SVIL: variants seen among roughly 807,000 people sequenced by gnomAD.
SVIL encodes the protein archvillin.
In SVIL, 101 loss-of-function variants were observed where a neutral mutation model predicts 240.4. The observed-to-expected ratio is 0.42, with a 90% CI of 0.36 to 0.50. The LOEUF (loss-of-function observed/expected upper bound fraction) is 0.50. Among genes scored for constraint, SVIL ranks in the 20% least tolerant of loss-of-function variants. The pLI is 0.01. For missense variants in SVIL, 2,512 were observed against 2,818.7 expected, an observed-to-expected ratio of 0.89 and a Z score of 2.46; for synonymous variants, 999 against 1,100.0, an observed-to-expected ratio of 0.91 and a Z score of 1.82.
chr10:29,671,656 T>C (rs1959784379), intron 2 of SVIL, among the ~76,000 whole-genome samples: 1 of 152,260 alleles, frequency 6.6e-6, no homozygotes, highest in South Asian at 2.1e-4. Context: ...TGAGGCTGTA[T>C]ACTCTAGGCT....
intron 1 of SVIL, among the ~76,000 whole-genome samples, chr10:29,596,306 A>T (rs567875222): frequency 1.2e-3 from 176 of 152,286 alleles, no homozygotes; most frequent in African/African-American, 4.1e-3. Flanking sequence ...CCCCGTCTCT[A>T]TAAAGACTAA....
chr10:29,550,490 C>A, intron 6 of SVIL, 107 bp downstream of exon 6: 1 of 1,240,432 alleles, frequency 8.1e-7, no homozygotes, highest in Non-Finnish European at 1.1e-6. Flanking sequence ...CTCCAATAAG[C>A]CTTGACTTCC....
chr10:29,674,196 G>A (rs925904602), intron 2 of SVIL, among the ~76,000 whole-genome samples: 2 of 152,040 alleles, frequency 1.3e-5, no homozygotes, highest in Admixed American at 6.6e-5. Flanking sequence ...TTAGCCAGAC[G>A]TGGTGGTGTG....
chr10:29,611,037 A>G (rs1322646925), intron 1 of SVIL, among the ~76,000 whole-genome samples: 1 of 152,094 alleles, frequency 6.6e-6, no homozygotes, highest in East Asian at 1.9e-4. Flanking sequence ...CTCTTTCCAC[A>G]TGAATCACCT....
At chr10:29,494,763 G>T (rs754865) in intron 20 of SVIL, 151 bp downstream of exon 20, 1 of 710,352 alleles carries the variant, frequency 1.4e-6, no homozygotes, top group East Asian at 2.6e-5. Context: ...ATTATTGGGA[G>T]TCCCCAATTT....
intron 32 of SVIL, among the ~76,000 whole-genome samples, chr10:29,469,371 T>C (rs561396204): frequency 1.3e-5 from 2 of 152,202 alleles, no homozygotes; most frequent in South Asian, 2.1e-4. Context: ...ACAGGGGCCC[T>C]GGCCACTGCT....
chr10:29,529,169 C>T (rs781303265), intron 12 of SVIL, among the ~76,000 whole-genome samples: 64 of 96,852 alleles, frequency 6.6e-4, no homozygotes, highest in Non-Finnish European at 9.3e-4. Context: ...GAGCAAGACT[C>T]TCTCTCAAAA....
intron 18 of SVIL, among the ~76,000 whole-genome samples, chr10:29,498,114 A>G (rs1948600203): frequency 6.7e-6 from 1 of 148,542 alleles, no homozygotes; most frequent in Non-Finnish European, 1.5e-5. Flanking sequence ...AAAAAAAAAA[A>G]AAAGAAAAAA....
intron 3 of SVIL, among the ~76,000 whole-genome samples, chr10:29,649,206 A>T (rs1405479787): frequency 6.6e-6 from 1 of 152,146 alleles, no homozygotes; most frequent in Non-Finnish European, 1.5e-5. Context: ...AAATTTTTTC[A>T]TGGGTGATAT....
chr10:29,586,808 A>G (rs1462298632), intron 1 of SVIL, among the ~76,000 whole-genome samples: 6 of 152,112 alleles, frequency 3.9e-5, no homozygotes, highest in African/African-American at 1.4e-4. Context: ...ACCAAATACT[A>G]CTTGTTCTCA....
intron 1 of SVIL, among the ~76,000 whole-genome samples, chr10:29,725,493 T>C (rs1193945202): frequency 6.6e-6 from 1 of 152,086 alleles, no homozygotes; most frequent in Admixed American, 6.5e-5. Flanking sequence ...GAGCCTGTAT[T>C]CATGCACACA....
At chr10:29,669,847 G>A (rs1310496831) in intron 2 of SVIL, among the ~76,000 whole-genome samples, 1 of 152,196 alleles carries the variant, frequency 6.6e-6, no homozygotes, top group Non-Finnish European at 1.5e-5. Flanking sequence ...GGCTGTGGTG[G>A]CAACGCCTAT....
rs1057485278 is a variant in SVIL at position 29,470,441 on chromosome 10, T to C, written c.5678A>G (p.Glu1893Gly). 1.2e-6 allele frequency: 2 copies of C among 1,614,148 alleles called. No individual in the cohort carries two copies. The highest frequency in any genetic ancestry group is 1.7e-6 in the Non-Finnish European group (2 of 1,180,026). ...LYCVRGEVPV[E>G]GNLLEVACHC... ...ACAGGCCACTTCCAGCAAATTCCCT[T>C]CCACGGGCACCTCTCCACGCACGCA... is the stretch of plus-strand genomic sequence containing the variant. The change falls in exon 32 of 38, where the codon GAA becomes GGA. Residue 1893 changes from glutamate to glycine, a missense_variant. Physicochemically the swap from Glu to Gly is moderately conservative, Grantham distance 98 (BLOSUM62 -2). Coordinates refer to ENST00000355867, the MANE Select transcript of SVIL (RefSeq NM_021738.3).
intron 17 of SVIL, among the ~76,000 whole-genome samples, chr10:29,507,377 G>A (rs1949445202): frequency 6.6e-6 from 1 of 152,190 alleles, no homozygotes; most frequent in Non-Finnish European, 1.5e-5. Flanking sequence ...CCAGTTTCAT[G>A]ACTACGAGGT....
At position 29,625,526 on chromosome 10, in the gene SVIL, C is replaced by T. The variant is rs566595916; in HGVS notation, c.-201+8894G>A. On this transcript the variant is annotated intron_variant, in intron 1 of 37. Coordinates refer to ENST00000355867, the MANE Select transcript of SVIL (RefSeq NM_021738.3). Reference sequence around the variant, plus strand: ...TTGCCCAGGCTGGAGTGCAGCGGCGCGATCTCTGCTCACTGCAAGCTCTGC... The same window carrying T: ...TTGCCCAGGCTGGAGTGCAGCGGCGTGATCTCTGCTCACTGCAAGCTCTGC... Among the ~76,000 whole-genome samples, 21 of 152,192 alleles carry T rather than the reference C, an allele frequency of 1.4e-4. No individual in the cohort carries two copies. The East Asian group carries it at 3.5e-3, about 25-fold the overall frequency.
At chr10:29,666,422 C>G (rs183674966) in intron 2 of SVIL, among the ~76,000 whole-genome samples, 22 of 152,306 alleles carry the variant, frequency 1.4e-4, no homozygotes, top group Admixed American at 1.4e-3. Context: ...CTGCAAAAGT[C>G]CCAACATAGT....
At position 29,509,335 on chromosome 10, in the gene SVIL, GAGAGAGAGAGAGAGAGAGAGA is replaced by G. The variant is rs1949631531; in HGVS notation, c.3516+3379_3516+3399del. Reference sequence around the variant, plus strand: ...AAAGGGAGAAGGAGGGGGAGGGAGAGAGAGAGAGAGAGAGAGAGAGAGAGAGAGAGAGAGAGAGAGAGAGAA... The same window carrying G: ...AAAGGGAGAAGGAGGGGGAGGGAGAGGAGAGAGAGAGAGAGAGAGAGAGAA... On this transcript the variant is annotated intron_variant, in intron 17 of 37. Coordinates refer to ENST00000355867, the MANE Select transcript of SVIL (RefSeq NM_021738.3). Among the ~76,000 whole-genome samples the G allele has an allele frequency of 6.4e-5, 3 of 47,118 alleles. No individual in the cohort carries two copies. In the Admixed American group the frequency reaches 7.3e-4, roughly 11 times the overall value. 30.9% of individuals were successfully genotyped at this position (47,118 alleles called of 152,430 possible).
rs536909300 is a variant in SVIL at position 29,524,510 on chromosome 10, A to G, written c.2548T>C (p.Tyr850His). ...CCCAGTGTGACTGGCTGAGTTTGAT[A>G]GCGAGCGTTCATTCTCCTCTGTCTC... is the stretch of plus-strand genomic sequence containing the variant. ...DTRQRRMNAR[Y>H]QTQPVTLGEV... The change falls in exon 14 of 38, where the codon TAT becomes CAT. Residue 850 changes from tyrosine to histidine, a missense_variant. Tyr to His is a moderately conservative substitution (Grantham distance 83). Transcript: ENST00000355867. The G allele has an allele frequency of 4.3e-6, 7 of 1,614,200 alleles. No individual in the cohort carries two copies. Among genetic ancestry groups the G allele is most frequent in the African/African-American group, 1.3e-5 (1 of 75,058 alleles).
intron 1 of SVIL, among the ~76,000 whole-genome samples, chr10:29,633,961 G>A (rs545681653): frequency 4.5e-4 from 68 of 152,226 alleles, no homozygotes; most frequent in African/African-American, 1.5e-3. Context: ...CAAAGATTAT[G>A]CAAAAGGATC....
Sources: allele counts gnomAD v4.1 joint callset (sites outside exome capture counted in the v4.1 genomes callset), GRCh38; gene constraint gnomAD v4.1.1; transcripts MANE v1.5; gene names NCBI Gene and HGNC (gene_info 2026-07-23, HGNC 2026-07-21).